Variants in NT5DC1 observed in about 807,000 individuals in gnomAD.
The protein encoded by NT5DC1 is 5'-nucleotidase domain-containing protein 1.
NT5DC1 carries 42 observed loss-of-function variants against 59.4 expected under a neutral mutation model. The observed-to-expected ratio is 0.71, with a 90% CI of 0.55 to 0.92. The LOEUF is 0.92. Ranked by LOEUF, NT5DC1 falls within the 40% of genes least tolerant of loss-of-function variation. The probability of loss-of-function intolerance (pLI) is 0.00; values close to 1 mark genes in which losing one functional copy is unlikely to be tolerated. For missense variants in NT5DC1, 501 were observed against 537.1 expected, an observed-to-expected ratio of 0.93 and a Z score of 0.66; for synonymous variants, 172 against 188.1, an observed-to-expected ratio of 0.91 and a Z score of 0.70.
intron 6 of NT5DC1, among the ~76,000 whole-genome samples, chr6:116,170,583 T>C (rs760574140): frequency 6.6e-6 from 1 of 152,192 alleles, no homozygotes; most frequent in African/African-American, 2.4e-5. Context: ...TTGGGTTTGT[T>C]TGTTTTAGTC....
At chr6:116,201,293 G>A (rs1781342004) in intron 6 of NT5DC1, among the ~76,000 whole-genome samples, 1 of 151,930 alleles carries the variant, frequency 6.6e-6, no homozygotes, top group African/African-American at 2.4e-5. Context: ...CTGTGTAATT[G>A]GAAGTCATTC....
At chr6:116,102,630 A>G (rs1484519949) in intron 1 of NT5DC1, among the ~76,000 whole-genome samples, 1 of 152,220 alleles carries the variant, frequency 6.6e-6, no homozygotes, top group Non-Finnish European at 1.5e-5. Flanking sequence ...CTCAAAGACA[A>G]GAGGTTTTTT....
chr6:116,178,102 CGT>C (rs869107614), intron 6 of NT5DC1, among the ~76,000 whole-genome samples: 3,690 of 94,268 alleles, frequency 0.039, 64 homozygotes, highest in Middle Eastern at 0.071. Flanking sequence ...CGCGCGCGCG[CGT>C]GCGTGCGTGT....
chr6:116,173,478 C>T (rs1257753676), intron 6 of NT5DC1, among the ~76,000 whole-genome samples: 4 of 152,092 alleles, frequency 2.6e-5, no homozygotes, highest in Admixed American at 2.0e-4. Context: ...GGCAGCCTGT[C>T]AGTCCCTTTA....
intron 6 of NT5DC1, among the ~76,000 whole-genome samples, chr6:116,148,458 A>G (rs750196129): frequency 1.3e-5 from 2 of 152,188 alleles, no homozygotes; most frequent in African/African-American, 4.8e-5. Flanking sequence ...TGATCCTAAA[A>G]TTACAGTTAA....
intron 6 of NT5DC1, among the ~76,000 whole-genome samples, chr6:116,136,524 A>G (rs939187458): frequency 3.3e-5 from 5 of 152,110 alleles, no homozygotes; most frequent in African/African-American, 1.2e-4. Context: ...ATCCAAGGTC[A>G]TTTAGCTGGT....
rs1323714864 is a variant in NT5DC1 at position 116,239,130 on chromosome 6, G to A, written c.1252+7G>A. 2 of 1,598,014 alleles carry A rather than the reference G, an allele frequency of 1.3e-6. No individual in the cohort carries two copies. The highest frequency in any genetic ancestry group is 1.1e-5 in the South Asian group (1 of 89,564). ...AGTATTGAAGCAATCGCAGGTAAGG[G>A]GGAAAATACCTATAAAGCTTCACCT... On this transcript the variant is annotated splice_region_variant and intron_variant, in intron 11 of 11. Coordinates refer to ENST00000319550, the MANE Select transcript of NT5DC1 (RefSeq NM_152729.3).
chr6:116,145,022 T>A (rs1161839293), intron 6 of NT5DC1, among the ~76,000 whole-genome samples: 1 of 152,200 alleles, frequency 6.6e-6, no homozygotes, highest in East Asian at 1.9e-4. Context: ...AATTATAGAT[T>A]TGATTCGTAC....
Position 116,238,203 on chromosome 6 carries a change from A to G in NT5DC1, c.938A>G (p.Asp313Gly), listed in dbSNP as rs200843591. Residue 313 changes from aspartate to glycine, a missense_variant, in exon 10 of 12, where the codon GAC (aspartate) becomes GGC (glycine). Transcript: ENST00000319550. ...GTCTTACAGGTTGTTTATTTTGGTG[A>G]CAGCATGCATTCAGATATTTTCCCA... ...KPEPKVVYFG[D>G]SMHSDIFPAR... is the part of the protein sequence containing the mutation. The G allele has an allele frequency of 6.2e-7, 1 of 1,609,592 alleles. No individual in the cohort carries two copies. The highest frequency in any genetic ancestry group is 1.3e-5 in the African/African-American group (1 of 74,704).
At chr6:116,181,007 T>C (rs1234897103) in intron 6 of NT5DC1, among the ~76,000 whole-genome samples, 1 of 152,090 alleles carries the variant, frequency 6.6e-6, no homozygotes, top group African/African-American at 2.4e-5. Context: ...AGAATTCTTA[T>C]CACTTAGATA....
intron 8 of NT5DC1, among the ~76,000 whole-genome samples, chr6:116,224,499 C>CTAAG (rs1235631660): frequency 6.6e-6 from 1 of 152,230 alleles, no homozygotes; most frequent in East Asian, 1.9e-4. Flanking sequence ...GGGCAGGCCT[C>CTAAG]CTTAGAGTGG....
intron 6 of NT5DC1, among the ~76,000 whole-genome samples, chr6:116,217,990 G>A (rs938788512): frequency 1.2e-4 from 19 of 152,204 alleles, no homozygotes; most frequent in African/African-American, 4.3e-4. Context: ...GTGATCTTTT[G>A]TAGTAAGAGC....
At chr6:116,211,395 A>G (rs973312412) in intron 6 of NT5DC1, among the ~76,000 whole-genome samples, 1 of 152,100 alleles carries the variant, frequency 6.6e-6, no homozygotes. Context: ...AAAAAACCCA[A>G]TACAATGAAT....
intron 4 of NT5DC1, 106 bp downstream of exon 4, chr6:116,111,062 A>T: frequency 2.7e-6 from 2 of 735,068 alleles, no homozygotes; most frequent in South Asian, 3.5e-5. Flanking sequence ...GCTGGGCAGG[A>T]TGCCAAAGGG....
chr6:116,194,914 T>A (rs1203313547), intron 6 of NT5DC1, among the ~76,000 whole-genome samples: 1 of 152,100 alleles, frequency 6.6e-6, no homozygotes, highest in Admixed American at 6.5e-5. Flanking sequence ...TAAGTACTGA[T>A]AACCAAAAGT....
chr6:116,136,942 G>C (rs1290160708), intron 6 of NT5DC1: 1 of 152,528 alleles, frequency 6.6e-6, no homozygotes, highest in Non-Finnish European at 1.5e-5. Flanking sequence ...AAACTAAGAA[G>C]ACCTGAAGAG....
intron 6 of NT5DC1, chr6:116,121,912 A>G: frequency 6.2e-7 from 1 of 1,613,864 alleles, no homozygotes; most frequent in Non-Finnish European, 8.5e-7. Context: ...CTCGAGGTCC[A>G]GCAGGGCCTG....
chr6:116,154,326 G>A (rs1369245659), intron 6 of NT5DC1, among the ~76,000 whole-genome samples: 2 of 152,006 alleles, frequency 1.3e-5, no homozygotes, highest in East Asian at 1.9e-4. Context: ...ACTGAGGCCG[G>A]GATTTCTTTC....
chr6:116,112,507 C>A (rs151070873), intron 4 of NT5DC1, among the ~76,000 whole-genome samples: 1 of 152,224 alleles, frequency 6.6e-6, no homozygotes, highest in African/African-American at 2.4e-5. Context: ...TAAAGGTATA[C>A]AAAAGGAATT....
Sources: allele counts gnomAD v4.1 joint callset (sites outside exome capture counted in the v4.1 genomes callset), GRCh38; gene constraint gnomAD v4.1.1; transcripts MANE v1.5; gene names NCBI Gene and HGNC (gene_info 2026-07-23, HGNC 2026-07-21).